CNTNAP4: variants seen among roughly 807,000 people sequenced by gnomAD.
CNTNAP4 encodes contactin associated protein family member 4.
CNTNAP4 carries 98 observed loss-of-function variants against 148.4 expected under a neutral mutation model. That is an observed-to-expected ratio of 0.66 (90% confidence interval 0.56 to 0.78). The LOEUF is 0.78. Ranked by LOEUF, CNTNAP4 falls within the 30% of genes least tolerant of loss-of-function variation. The pLI, the probability that CNTNAP4 is intolerant of heterozygous loss-of-function variation, is 0.00. For synonymous variants in CNTNAP4, 730 were observed against 565.1 expected (o/e 1.29, Z -4.14); for missense variants, 1,935 against 1,565.6 (o/e 1.24, Z -3.98).
At chr16:76,325,272 A>G (rs1051443892) in intron 2 of CNTNAP4, among the ~76,000 whole-genome samples, 2 of 152,204 alleles carry the variant, frequency 1.3e-5, no homozygotes, top group African/African-American at 4.8e-5. Context: ...TATGTAATGT[A>G]TATTTATATA....
Position 76,535,560 on chromosome 16 carries a change from G to A in CNTNAP4, c.2771G>A (p.Arg924Lys). ...SQLFVGGTAT[R>K]QRGFLGCIRS... Reference sequence around the variant, plus strand: ...TCCCTTTTAGGTGGAACGGCCACCAGACAGAGAGGCTTTCTGGGCTGCATT... The same window carrying A: ...TCCCTTTTAGGTGGAACGGCCACCAAACAGAGAGGCTTTCTGGGCTGCATT... The change falls in exon 18 of 24, where the codon AGA (arginine) becomes AAA (lysine). Residue 924 changes from arginine (R) to lysine (K), a missense_variant. By Grantham distance (26) the Arg-to-Lys change is conservative (BLOSUM62 2). Transcript: ENST00000611870. 1 of 1,612,206 alleles carries A rather than the reference G, an allele frequency of 6.2e-7. No homozygotes were observed. The highest frequency in any genetic ancestry group is 1.1e-5 in the South Asian group (1 of 90,994).
intron 12 of CNTNAP4, among the ~76,000 whole-genome samples, chr16:76,487,785 A>G (rs2082077493): frequency 6.6e-6 from 1 of 152,180 alleles, no homozygotes; most frequent in South Asian, 2.1e-4. Flanking sequence ...AGAATTTCAA[A>G]AGGAAACGTT....
intron 3 of CNTNAP4, among the ~76,000 whole-genome samples, chr16:76,386,762 AT>A (rs1361218943): frequency 6.6e-6 from 1 of 152,120 alleles, no homozygotes; most frequent in Non-Finnish European, 1.5e-5. Flanking sequence ...GCATATTGGG[AT>A]TGTAGATGGA....
Position 76,277,407 on chromosome 16 carries a change from C to A in CNTNAP4, c.-256C>A. On this transcript the variant is annotated 5_prime_UTR_variant, in exon 1 of 24. Transcript: ENST00000611870. ...GTTAGGAAAGATGCTGAGTGCTTTTCAGTGAGGAGTCAGGGAGGTGTGTGT... is the reference window on the plus strand; with the variant it reads ...GTTAGGAAAGATGCTGAGTGCTTTTAAGTGAGGAGTCAGGGAGGTGTGTGT... 1 of 428,880 alleles carries A rather than the reference C, an allele frequency of 2.3e-6. No individual in the cohort carries two copies. Among genetic ancestry groups the A allele is most frequent in the South Asian group, 5.0e-5 (1 of 20,136 alleles). The allele number at this position is 428,880 out of a possible 1,614,324, so 26.6% of individuals were successfully genotyped here. A position where few individuals can be genotyped will look rare whatever the true frequency, so the allele number is the denominator to read the frequency against.
At chr16:76,384,440 A>G (rs1451626642) in intron 3 of CNTNAP4, among the ~76,000 whole-genome samples, 1 of 152,120 alleles carries the variant, frequency 6.6e-6, no homozygotes, top group East Asian at 1.9e-4. Context: ...ATCAAGAAGA[A>G]TGCGAAGTTG....
intron 3 of CNTNAP4, among the ~76,000 whole-genome samples, chr16:76,356,063 C>A (rs1209469414): frequency 6.6e-6 from 1 of 151,656 alleles, no homozygotes; most frequent in African/African-American, 2.4e-5. Flanking sequence ...TTAGTAGAGA[C>A]GGGCTTTCAC....
chr16:76,525,040 T>G (rs2083657257), intron 17 of CNTNAP4, among the ~76,000 whole-genome samples: 1 of 151,970 alleles, frequency 6.6e-6, no homozygotes. Flanking sequence ...CATGAGGGGC[T>G]TGGGTTTATC....
intron 12 of CNTNAP4, among the ~76,000 whole-genome samples, chr16:76,480,498 C>A (rs2081786767): frequency 6.6e-6 from 1 of 152,106 alleles, no homozygotes; most frequent in Admixed American, 6.6e-5. Context: ...GTAATCCCAG[C>A]ACTTTGGGAG....
chr16:76,300,943 A>ATT (rs1855358407), intron 1 of CNTNAP4, among the ~76,000 whole-genome samples: 1 of 129,650 alleles, frequency 7.7e-6, no homozygotes, highest in African/African-American at 2.5e-5. Flanking sequence ...CTTTTTTTTA[A>ATT]ATTATTATTA....
intron 8 of CNTNAP4, among the ~76,000 whole-genome samples, chr16:76,453,264 G>C (rs556044393): frequency 2.0e-5 from 3 of 152,284 alleles, no homozygotes; most frequent in Admixed American, 6.5e-5. Flanking sequence ...CTTATGTAAA[G>C]AGTTGAATAC....
intron 3 of CNTNAP4, among the ~76,000 whole-genome samples, chr16:76,408,597 C>G (rs538398271): frequency 2.0e-5 from 3 of 151,998 alleles, no homozygotes; most frequent in East Asian, 3.9e-4. Context: ...GCTTTATATC[C>G]TTAAATATTT....
chr16:76,438,430 A>G (rs1379836389), intron 4 of CNTNAP4, among the ~76,000 whole-genome samples: 1 of 152,188 alleles, frequency 6.6e-6, no homozygotes, highest in Non-Finnish European at 1.5e-5. Context: ...GAAATGCCAC[A>G]AGGTAATCTG....
At chr16:76,295,391 T>A (rs1959211444) in intron 1 of CNTNAP4, among the ~76,000 whole-genome samples, 1 of 152,198 alleles carries the variant, frequency 6.6e-6, no homozygotes, top group African/African-American at 2.4e-5. Context: ...AGGGGTCATT[T>A]TATTACTATA....
intron 15 of CNTNAP4, among the ~76,000 whole-genome samples, chr16:76,503,079 C>T (rs1022831105): frequency 6.6e-6 from 1 of 152,090 alleles, no homozygotes; most frequent in Non-Finnish European, 1.5e-5. Flanking sequence ...CAGAAATCAA[C>T]TAGCAAACTA....
At chr16:76,460,773 A>AAAAAAAAAAAAAAATATATAT in intron 8 of CNTNAP4, among the ~76,000 whole-genome samples, 1 of 57,324 alleles carries the variant, frequency 1.7e-5, no homozygotes. Context: ...AAAAAAAAAA[A>AAAAAAAAAAAAAAATATATAT]ATATATATAT....
rs560972121 is a variant in CNTNAP4, at chr16:76,366,558, A to G, written c.390+11047A>G. Among the ~76,000 whole-genome samples, 3 of 152,186 alleles carry G rather than the reference A, an allele frequency of 2.0e-5. No homozygotes were observed. In the East Asian group the frequency reaches 5.8e-4, roughly 29 times the overall value. On this transcript the variant is annotated intron_variant, in intron 3 of 23. Coordinates refer to ENST00000611870, the MANE Select transcript of CNTNAP4 (RefSeq NM_033401.5). The stretch of plus-strand genomic sequence containing the variant: ...ATTGATGGGCATTTATGTTGATTCC[A>G]TGTCTTTGCTATTGTGACTAGTGCT...
chr16:76,483,877 T>G (rs991720379), intron 12 of CNTNAP4, among the ~76,000 whole-genome samples: 2 of 152,180 alleles, frequency 1.3e-5, no homozygotes, highest in African/African-American at 4.8e-5. Context: ...GTAGGCAAAT[T>G]CACAAGTAAT....
intron 21 of CNTNAP4, among the ~76,000 whole-genome samples, chr16:76,541,036 G>T (rs2084430764): frequency 6.6e-6 from 1 of 151,988 alleles, no homozygotes; most frequent in Non-Finnish European, 1.5e-5. Flanking sequence ...TCTCAATAAA[G>T]TATAATGAAA....
rs188218969 is a variant in CNTNAP4 at position 76,290,414 on chromosome 16, T to C, written c.85+12667T>C. On this transcript the variant is annotated intron_variant, in intron 1 of 23. Coordinates refer to ENST00000611870, the MANE Select transcript of CNTNAP4 (RefSeq NM_033401.5). ...CATATGCTCATTCCTTCCTCTTTTT[T>C]CCAAGGATCTGTCACTTTCATCTTA... 1.9e-3 allele frequency among the ~76,000 whole-genome samples: 282 copies of C among 152,284 alleles called. 2 individuals carry two copies. Among genetic ancestry groups the C allele is most frequent in the African/African-American group, 5.8e-3 (243 of 41,558 alleles).
Sources: allele counts gnomAD v4.1 joint callset (sites outside exome capture counted in the v4.1 genomes callset), GRCh38; gene constraint gnomAD v4.1.1; transcripts MANE v1.5; gene names NCBI Gene and HGNC (gene_info 2026-07-23, HGNC 2026-07-21).